Variants in CDH18 observed in about 807,000 individuals in gnomAD.
CDH18 encodes the protein cadherin-18.
A neutral mutation model predicts 67.9 loss-of-function variants in CDH18; 31 were observed. The observed-to-expected ratio is 0.46, with a 90% confidence interval of 0.34 to 0.62. CDH18 has a LOEUF of 0.62. CDH18 is among the 20% of genes least tolerant of loss of function. The pLI is 0.01. For synonymous variants in CDH18, 362 were observed against 347.2 expected (o/e 1.04, Z -0.48); for missense variants, 890 against 975.5 (o/e 0.91, Z 1.17).
intron 1 of CDH18, among the ~76,000 whole-genome samples, chr5:20,423,083 T>C (rs1025130224): frequency 1.3e-5 from 2 of 151,034 alleles, no homozygotes; most frequent in Admixed American, 1.3e-4. Flanking sequence ...ATAAAGCAAG[T>C]GGTGATATTC....
intron 2 of CDH18, among the ~76,000 whole-genome samples, chr5:19,848,935 ATG>A (rs912853611): frequency 2.0e-5 from 3 of 150,274 alleles, no homozygotes; most frequent in African/African-American, 7.3e-5. Flanking sequence ...TATTATATAT[ATG>A]TGTATATATA....
chr5:20,465,152 G>T (rs189619864), intron 1 of CDH18, among the ~76,000 whole-genome samples: 155 of 152,152 alleles, frequency 1.0e-3, no homozygotes, highest in African/African-American at 3.4e-3. Flanking sequence ...TGACAGGATG[G>T]CATGAGAGAG....
chr5:20,171,764 TG>T (rs1237872643), intron 2 of CDH18, among the ~76,000 whole-genome samples: 19 of 152,084 alleles, frequency 1.2e-4, no homozygotes, highest in Non-Finnish European at 2.1e-4. Flanking sequence ...CACTTAATTT[TG>T]GTATCTTCAT....
At chr5:19,518,538 A>G (rs553357978) in intron 10 of CDH18, among the ~76,000 whole-genome samples, 5 of 152,174 alleles carry the variant, frequency 3.3e-5, no homozygotes, top group Non-Finnish European at 7.3e-5. Context: ...CAGACAGGCT[A>G]GAATAAAACA....
At chr5:20,020,479 A>C (rs981772626) in intron 2 of CDH18, among the ~76,000 whole-genome samples, 12 of 152,168 alleles carry the variant, frequency 7.9e-5, no homozygotes, top group African/African-American at 2.9e-4. Flanking sequence ...TTTTGCAGGC[A>C]GGGCTCAGGA....
intron 5 of CDH18, among the ~76,000 whole-genome samples, chr5:19,697,441 T>C (rs1415551480): frequency 6.6e-6 from 1 of 152,150 alleles, no homozygotes; most frequent in East Asian, 1.9e-4. Flanking sequence ...TTGTAAGTGG[T>C]TTATATTTGA....
chr5:20,366,284 TCAC>T (rs1361642705), intron 1 of CDH18, among the ~76,000 whole-genome samples: 1 of 152,130 alleles, frequency 6.6e-6, no homozygotes, highest in Non-Finnish European at 1.5e-5. Flanking sequence ...TCTTGCTTAC[TCAC>T]CACCACCACC....
At chr5:19,825,599 A>G (rs1043391398) in intron 3 of CDH18, among the ~76,000 whole-genome samples, 6 of 152,124 alleles carry the variant, frequency 3.9e-5, no homozygotes, top group Non-Finnish European at 5.9e-5. Context: ...ACATGGACAC[A>G]GAGACAGTAA....
chr5:20,413,574 A>AT (rs1446356011), intron 1 of CDH18, among the ~76,000 whole-genome samples: 4 of 152,070 alleles, frequency 2.6e-5, no homozygotes, highest in South Asian at 2.1e-4. Flanking sequence ...GATGATGAGC[A>AT]TTTTTTCATG....
At chr5:20,148,443 A>G (rs1373012799) in intron 2 of CDH18, among the ~76,000 whole-genome samples, 2 of 152,158 alleles carry the variant, frequency 1.3e-5, no homozygotes, top group Admixed American at 6.6e-5. Flanking sequence ...AGAGAAAAAC[A>G]AAAGTAAAAA....
chr5:20,061,630 T>C (rs1359311933), intron 2 of CDH18, among the ~76,000 whole-genome samples: 1 of 152,108 alleles, frequency 6.6e-6, no homozygotes. Flanking sequence ...ATTACTAAAA[T>C]TGTTAAAAAG....
At chr5:20,545,228 T>C (rs963797291) in intron 1 of CDH18, among the ~76,000 whole-genome samples, 10 of 152,180 alleles carry the variant, frequency 6.6e-5, no homozygotes, top group Non-Finnish European at 1.3e-4. Flanking sequence ...GGAGCTGGCA[T>C]TGGGTACTTG....
At chr5:19,617,063 G>A (rs576420760) in intron 5 of CDH18, among the ~76,000 whole-genome samples, 3 of 152,206 alleles carry the variant, frequency 2.0e-5, no homozygotes, top group Admixed American at 1.3e-4. Flanking sequence ...TAGGGAGGTC[G>A]GACACAAATA....
chr5:20,387,031 G>A (rs1744366946), intron 1 of CDH18, among the ~76,000 whole-genome samples: 1 of 152,010 alleles, frequency 6.6e-6, no homozygotes, highest in Admixed American at 6.6e-5. Flanking sequence ...TAAACCAGGG[G>A]TCAGCAAACT....
intron 2 of CDH18, among the ~76,000 whole-genome samples, chr5:20,086,217 C>T (rs193078354): frequency 7.9e-5 from 12 of 152,296 alleles, no homozygotes; most frequent in South Asian, 4.1e-4. Flanking sequence ...CAGTGCAAGA[C>T]CCTAACTCTC....
intron 2 of CDH18, among the ~76,000 whole-genome samples, chr5:20,123,069 TATATG>T (rs1364688065): frequency 2.7e-5 from 4 of 149,028 alleles, no homozygotes; most frequent in Non-Finnish European, 5.9e-5. Context: ...AAATATTATA[TATATG>T]ATATTTCCTA....
intron 2 of CDH18, among the ~76,000 whole-genome samples, chr5:20,167,916 C>T (rs190287095): frequency 5.9e-5 from 9 of 152,246 alleles, no homozygotes; most frequent in Admixed American, 1.3e-4. Flanking sequence ...GTAGTCCATG[C>T]GGGTTAGCTT....
chr5:19,704,965 T>G (rs1181722269), intron 5 of CDH18, among the ~76,000 whole-genome samples: 3 of 152,198 alleles, frequency 2.0e-5, no homozygotes, highest in African/African-American at 7.2e-5. Context: ...ACTATTCCCT[T>G]AGCTGAGCAG....
At chr5:19,841,515 A>C (rs186911397) in intron 2 of CDH18, among the ~76,000 whole-genome samples, 2 of 151,354 alleles carry the variant, frequency 1.3e-5, no homozygotes, top group Non-Finnish European at 2.9e-5. Context: ...ATTTTAATAA[A>C]TTTATATTAA....
Sources: gnomAD v4.1 joint callset for allele counts (sites outside exome capture counted in the v4.1 genomes callset) on GRCh38, gnomAD v4.1.1 for gene constraint, MANE v1.5 for transcripts, NCBI Gene and HGNC (gene_info 2026-07-23, HGNC 2026-07-21) for gene names.